Variants in DKK2 observed in about 807,000 individuals in gnomAD.
DKK2 encodes the protein dickkopf-related protein 2.
DKK2 carries 11 observed loss-of-function variants against 28.1 expected under a neutral mutation model. That is an observed-to-expected ratio of 0.39 (90% CI 0.25 to 0.65). The LOEUF (loss-of-function observed/expected upper bound fraction) is 0.65. DKK2 is among the 30% of genes least tolerant of loss of function. The pLI is 0.47. For synonymous variants in DKK2, 135 were observed against 126.5 expected, an observed-to-expected ratio of 1.07 and a Z score of -0.45; for missense variants, 326 against 335.5, an observed-to-expected ratio of 0.97 and a Z score of 0.22.
At chr4:106,926,637 A>G (rs1216748989) in intron 1 of DKK2, among the ~76,000 whole-genome samples, 1 of 152,126 alleles carries the variant, frequency 6.6e-6, no homozygotes, top group African/African-American at 2.4e-5. Flanking sequence ...AGGAAGCACA[A>G]AAGCAGACTC....
At chr4:106,978,681 G>A (rs112362935) in intron 1 of DKK2, among the ~76,000 whole-genome samples, 8 of 152,200 alleles carry the variant, frequency 5.3e-5, no homozygotes, top group African/African-American at 1.7e-4. Context: ...TGGGCTCTGT[G>A]GGGGTAGGAT....
At chr4:107,032,579 ATAGGC>A (rs1723890981) in intron 1 of DKK2, among the ~76,000 whole-genome samples, 2 of 152,130 alleles carry the variant, frequency 1.3e-5, no homozygotes, top group African/African-American at 4.8e-5. Context: ...AAAAATTAAA[ATAGGC>A]TATTTTCAAC....
intron 1 of DKK2, among the ~76,000 whole-genome samples, chr4:106,995,082 C>T (rs1349068690): frequency 6.6e-6 from 1 of 152,026 alleles, no homozygotes; most frequent in Admixed American, 6.6e-5. Flanking sequence ...TATTAATTTA[C>T]TATAATCTGT....
chr4:106,944,769 TATAAGACTTATAGATCTA>T (rs1724752821), intron 1 of DKK2, among the ~76,000 whole-genome samples: 1 of 152,104 alleles, frequency 6.6e-6, no homozygotes, highest in Non-Finnish European at 1.5e-5. Context: ...TTTATAAGTC[TATAAGACTTATAGATCTA>T]GCTGTACACT....
chr4:107,024,239 GA>G (rs1179937370), intron 1 of DKK2, among the ~76,000 whole-genome samples: 1 of 151,874 alleles, frequency 6.6e-6, no homozygotes, highest in African/African-American at 2.4e-5. Flanking sequence ...AAGGTGTTTT[GA>G]AAATATGTAA....
At chr4:106,924,403 C>G in intron 3 of DKK2, 142 bp downstream of exon 3, 5 of 1,274,168 alleles carry the variant, frequency 3.9e-6, no homozygotes, top group Non-Finnish European at 5.3e-6. Context: ...CCATTATTTG[C>G]CACCTAAATA....
chr4:107,009,201 G>GA (rs367588726), intron 1 of DKK2, among the ~76,000 whole-genome samples: 72 of 147,884 alleles, frequency 4.9e-4, no homozygotes, highest in Middle Eastern at 3.4e-3. Flanking sequence ...TTCAACCACA[G>GA]AAAAAAAAAA....
intron 1 of DKK2, among the ~76,000 whole-genome samples, chr4:106,927,806 A>T (rs771635276): frequency 1.4e-4 from 22 of 152,204 alleles, no homozygotes; most frequent in Non-Finnish European, 3.2e-4. Flanking sequence ...CATTTATTTC[A>T]TCAAATTGTT....
chr4:106,997,589 T>C (rs1397790159), intron 1 of DKK2, among the ~76,000 whole-genome samples: 2 of 152,104 alleles, frequency 1.3e-5, no homozygotes, highest in African/African-American at 4.8e-5. Flanking sequence ...CCATGTCAAC[T>C]GAAAAACTTC....
chr4:106,984,819 G>T (rs945882608), intron 1 of DKK2, among the ~76,000 whole-genome samples: 4 of 152,150 alleles, frequency 2.6e-5, no homozygotes, highest in African/African-American at 9.7e-5. Context: ...AGCATACTAT[G>T]GAATCCTACT....
At chr4:106,987,510 G>A (rs1400192300) in intron 1 of DKK2, among the ~76,000 whole-genome samples, 1 of 152,170 alleles carries the variant, frequency 6.6e-6, no homozygotes, top group Non-Finnish European at 1.5e-5. Context: ...TGATGGGGCT[G>A]TCAATCAGGA....
At chr4:106,980,659 C>T (rs896784769) in intron 1 of DKK2, among the ~76,000 whole-genome samples, 11 of 152,096 alleles carry the variant, frequency 7.2e-5, no homozygotes, top group Admixed American at 1.3e-4. Flanking sequence ...ATGCTGAATT[C>T]GCTGCAAGCT....
chr4:107,014,762 C>T (rs1723567505), intron 1 of DKK2, among the ~76,000 whole-genome samples: 2 of 151,406 alleles, frequency 1.3e-5, no homozygotes, highest in Non-Finnish European at 1.5e-5. Flanking sequence ...ACCTCATAAA[C>T]ATGTACAATT....
chr4:106,922,520 G>A lies in DKK2; in HGVS notation c.*1434C>T, dbSNP rs961953938. ...TTAACCGCAATGGCTGCAGAAAACCGAAACTAGCCCTTTGGCAATAAAGCA... is the reference window on the plus strand; with the variant it reads ...TTAACCGCAATGGCTGCAGAAAACCAAAACTAGCCCTTTGGCAATAAAGCA... On this transcript the variant is annotated 3_prime_UTR_variant, in exon 4 of 4. Transcript: ENST00000285311. The A allele has an allele frequency of 7.9e-5, 12 of 152,290 alleles. No homozygotes were observed. Among genetic ancestry groups the A allele is most frequent in the South Asian group, 2.1e-4 (1 of 4,826 alleles). 9.4% of individuals were successfully genotyped at this position (152,290 alleles called of 1,614,324 possible).
chr4:106,933,684 T>A (rs1303234333), intron 1 of DKK2, among the ~76,000 whole-genome samples: 1 of 152,224 alleles, frequency 6.6e-6, no homozygotes, highest in Non-Finnish European at 1.5e-5. Flanking sequence ...AAATAGATGA[T>A]GTCTGCTTTT....
At chr4:106,932,890 AG>A (rs1724523469) in intron 1 of DKK2, among the ~76,000 whole-genome samples, 1 of 152,152 alleles carries the variant, frequency 6.6e-6, no homozygotes. Context: ...CAAAATTTGG[AG>A]TTATACTGCA....
At chr4:106,941,099 A>G (rs1724691163) in intron 1 of DKK2, among the ~76,000 whole-genome samples, 1 of 152,144 alleles carries the variant, frequency 6.6e-6, no homozygotes, top group African/African-American at 2.4e-5. Context: ...CCTACAACTT[A>G]AAGTATAATA....
intron 1 of DKK2, among the ~76,000 whole-genome samples, chr4:106,997,875 T>G (rs1218994834): frequency 6.6e-6 from 1 of 152,174 alleles, no homozygotes; most frequent in Non-Finnish European, 1.5e-5. Context: ...AAATTACAAC[T>G]GACTAAATGT....
intron 1 of DKK2, among the ~76,000 whole-genome samples, chr4:106,971,817 T>C (rs79744932): frequency 0.021 from 3,246 of 152,206 alleles, 40 homozygotes; most frequent in Non-Finnish European, 0.03. Context: ...AGTCTGGAAG[T>C]AGTTTACATG....
Sources: allele counts gnomAD v4.1 joint callset (sites outside exome capture counted in the v4.1 genomes callset), GRCh38; gene constraint gnomAD v4.1.1; transcripts MANE v1.5; gene names NCBI Gene and HGNC (gene_info 2026-07-23, HGNC 2026-07-21).